Variants in RGL1 observed in about 807,000 individuals in gnomAD.
The protein encoded by RGL1 is ral guanine nucleotide dissociation stimulator-like 1.
Under a neutral mutation model 95.2 loss-of-function variants are expected in RGL1, and 24 were observed. The observed-to-expected ratio is 0.25, with a 90% confidence interval of 0.18 to 0.35. The LOEUF (loss-of-function observed/expected upper bound fraction) is 0.35, where lower values mean the gene tolerates loss of function less well. Among genes scored for constraint, RGL1 ranks in the 10% least tolerant of loss-of-function variants. The pLI, the probability that RGL1 is intolerant of heterozygous loss-of-function variation, is 1.00. For synonymous variants in RGL1, 329 were observed against 344.9 expected (o/e 0.95, Z 0.51); for missense variants, 715 against 936.3 (o/e 0.76, Z 3.08).
At chr1:183,794,823 G>A (rs188564875) in intron 2 of RGL1, among the ~76,000 whole-genome samples, 3 of 152,270 alleles carry the variant, frequency 2.0e-5, no homozygotes, top group Admixed American at 1.3e-4. Flanking sequence ...TCCTTTAAGA[G>A]CGAGTACCAC....
intron 8 of RGL1, among the ~76,000 whole-genome samples, chr1:183,891,770 A>T (rs1371955500): frequency 7.8e-6 from 1 of 128,396 alleles, no homozygotes; most frequent in Non-Finnish European, 1.6e-5. Flanking sequence ...TGTTTAACTC[A>T]CTGAGAAGAA....
intron 1 of RGL1, among the ~76,000 whole-genome samples, chr1:183,690,432 A>G (rs919346262): frequency 1.3e-5 from 2 of 152,144 alleles, no homozygotes; most frequent in African/African-American, 4.8e-5. Context: ...GAAAGGGAAA[A>G]AGGAAGAATT....
intron 1 of RGL1, among the ~76,000 whole-genome samples, chr1:183,730,234 ATAT>A (rs1207337062): frequency 3.3e-5 from 5 of 152,208 alleles, no homozygotes; most frequent in South Asian, 4.1e-4. Context: ...AGCCTGTTCC[ATAT>A]TGGGCACTGT....
intron 1 of RGL1, among the ~76,000 whole-genome samples, chr1:183,652,574 A>G (rs1650842447): frequency 6.6e-6 from 1 of 151,176 alleles, no homozygotes; most frequent in Non-Finnish European, 1.5e-5. Context: ...TATCTTGTTA[A>G]CTTTTGGTAT....
intron 16 of RGL1, among the ~76,000 whole-genome samples, chr1:183,921,856 A>G (rs1395912007): frequency 2.0e-5 from 3 of 152,230 alleles, no homozygotes; most frequent in East Asian, 1.9e-4. Flanking sequence ...GCAGTTCAAC[A>G]TGGGAGGATA....
chr1:183,867,301 G>A (rs1558259136), intron 4 of RGL1, among the ~76,000 whole-genome samples: 1 of 152,086 alleles, frequency 6.6e-6, no homozygotes, highest in Non-Finnish European at 1.5e-5. Flanking sequence ...AGAGCGTCTG[G>A]CAGAGGAGAC....
chr1:183,880,252 T>A (rs1356940456), intron 4 of RGL1, among the ~76,000 whole-genome samples: 1 of 152,218 alleles, frequency 6.6e-6, no homozygotes, highest in African/African-American at 2.4e-5. Flanking sequence ...GGGATTTAAT[T>A]TGAGCATAAT....
chr1:183,805,588 C>T (rs1661236966), intron 1 of RGL1, among the ~76,000 whole-genome samples: 2 of 152,226 alleles, frequency 1.3e-5, no homozygotes, highest in Admixed American at 6.5e-5. Flanking sequence ...GGAAAAAGAA[C>T]TGTTAGTGTG....
intron 1 of RGL1, among the ~76,000 whole-genome samples, chr1:183,805,997 T>TTTTTTTTTTTTTTTTTTTTC (rs1661303439): frequency 5.0e-5 from 4 of 80,554 alleles, no homozygotes; most frequent in African/African-American, 1.1e-4. Flanking sequence ...TTTTTTTTTT[T>TTTTTTTTTTTTTTTTTTTTC]TTTTTTTTTT....
chr1:183,666,941 G>A (rs1652082071), intron 1 of RGL1, among the ~76,000 whole-genome samples: 1 of 152,182 alleles, frequency 6.6e-6, no homozygotes, highest in Admixed American at 6.5e-5. Context: ...TGATTGAGGA[G>A]TGTTAATGTT....
At chr1:183,769,347 A>G (rs1426257944) in intron 2 of RGL1, among the ~76,000 whole-genome samples, 1 of 152,230 alleles carries the variant, frequency 6.6e-6, no homozygotes, top group Non-Finnish European at 1.5e-5. Flanking sequence ...AAACCCTGAC[A>G]CCTCAAAATA....
chr1:183,891,043 C>T (rs1162829519), intron 8 of RGL1, among the ~76,000 whole-genome samples: 1 of 152,094 alleles, frequency 6.6e-6, no homozygotes, highest in Non-Finnish European at 1.5e-5. Flanking sequence ...ACATTTGTCG[C>T]TTTAAGTAGA....
intron 2 of RGL1, among the ~76,000 whole-genome samples, chr1:183,839,664 T>A (rs1353702186): frequency 6.6e-6 from 1 of 152,200 alleles, no homozygotes; most frequent in Middle Eastern, 3.2e-3. Context: ...ACCTCATCAT[T>A]GGTCTCCCAT....
intron 2 of RGL1, among the ~76,000 whole-genome samples, chr1:183,751,887 C>T (rs1050299748): frequency 1.3e-5 from 2 of 152,164 alleles, no homozygotes; most frequent in African/African-American, 4.8e-5. Flanking sequence ...TATTCACTGC[C>T]TGACCAGTCC....
intron 1 of RGL1, among the ~76,000 whole-genome samples, chr1:183,637,612 C>A (rs1174686): frequency 0.3 from 45,664 of 151,938 alleles, 7,260 homozygotes; most frequent in Middle Eastern, 0.38. Context: ...GGGAGAGAGA[C>A]CTCGAGAATG....
At chr1:183,747,855 A>T (rs1283795434) in intron 2 of RGL1, among the ~76,000 whole-genome samples, 1 of 152,188 alleles carries the variant, frequency 6.6e-6, no homozygotes, top group Admixed American at 6.5e-5. Flanking sequence ...TCATAAAATG[A>T]GTTAGGGAGG....
At chr1:183,874,487 T>G (rs1472528418) in intron 4 of RGL1, among the ~76,000 whole-genome samples, 1 of 151,946 alleles carries the variant, frequency 6.6e-6, no homozygotes, top group African/African-American at 2.4e-5. Context: ...ATAATCTTTT[T>G]CTTCCTCCTT....
intron 1 of RGL1, among the ~76,000 whole-genome samples, chr1:183,717,294 G>A (rs1655680576): frequency 6.6e-6 from 1 of 152,108 alleles, no homozygotes; most frequent in South Asian, 2.1e-4. Flanking sequence ...ATAGTTCATT[G>A]TTCCAAGTGT....
intron 1 of RGL1, among the ~76,000 whole-genome samples, chr1:183,720,170 A>C (rs1306108154): frequency 1.3e-5 from 2 of 152,212 alleles, no homozygotes; most frequent in African/African-American, 4.8e-5. Context: ...AAATGAAGTA[A>C]AGGAAAAATA....
Sources: gnomAD v4.1 joint callset for allele counts (sites outside exome capture counted in the v4.1 genomes callset) on GRCh38, gnomAD v4.1.1 for gene constraint, MANE v1.5 for transcripts, NCBI Gene and HGNC (gene_info 2026-07-23, HGNC 2026-07-21) for gene names.